Variants in WWOX observed in about 807,000 individuals in gnomAD.
The protein encoded by WWOX is WW domain containing oxidoreductase, also known as WW domain-containing oxidoreductase.
A neutral mutation model predicts 46.2 loss-of-function variants in WWOX; 69 were observed. The observed-to-expected ratio is 1.49, with a 90% CI of 1.23 to 1.82. The LOEUF (loss-of-function observed/expected upper bound fraction) is 1.82, where lower values mean the gene tolerates loss of function less well. WWOX is among the 40% of genes most tolerant of loss of function. The pLI is 0.00. For missense variants in WWOX, 919 were observed against 542.6 expected, an observed-to-expected ratio of 1.69 and a Z score of -6.89; for synonymous variants, 359 against 202.6, an observed-to-expected ratio of 1.77 and a Z score of -6.56.
rs147784492 is a variant in WWOX, at chr16:78,810,687, C to T, written c.1056+377935C>T. Among the ~76,000 whole-genome samples, 812 of 152,158 alleles carry T rather than the reference C, an allele frequency of 5.3e-3. 28 individuals carry two copies. The highest frequency in any genetic ancestry group is 0.047 in the Admixed American group (714 of 15,272). On this transcript the variant is annotated intron_variant, in intron 8 of 8. Coordinates refer to ENST00000566780, the MANE Select transcript of WWOX (RefSeq NM_016373.4). ...TAAGCCTGCCTAATGCTGATTGAAG[C>T]GGGCCATAGTATCAAGGGTGGAAGA...
intron 8 of WWOX, among the ~76,000 whole-genome samples, chr16:78,437,813 C>A (rs118068120): frequency 6.6e-6 from 1 of 152,128 alleles, no homozygotes; most frequent in African/African-American, 2.4e-5. Context: ...TCACATCATA[C>A]GTGCATTACA....
chr16:79,004,201 T>G (rs1311883467), intron 8 of WWOX: 3 of 152,120 alleles, frequency 2.0e-5, no homozygotes, highest in African/African-American at 7.2e-5. Flanking sequence ...CCCTGTTGAG[T>G]CCCTGTGCAC....
intron 8 of WWOX, chr16:78,552,212 A>G (rs1371752943): frequency 6.6e-6 from 1 of 152,164 alleles, no homozygotes; most frequent in Non-Finnish European, 1.5e-5. Flanking sequence ...TTTCCCCTCA[A>G]AAGATGATAC....
Position 78,344,063 on chromosome 16 carries a change from C to T in WWOX, c.517-42797C>T, listed in dbSNP as rs777981306. Among the ~76,000 whole-genome samples the T allele has an allele frequency of 2.3e-4, 27 of 118,944 alleles. 9 individuals carry two copies. The highest frequency in any genetic ancestry group is 1.3e-3 in the Admixed American group (16 of 12,062). 78.0% of individuals were successfully genotyped at this position (118,944 alleles called of 152,430 possible). A position where few individuals can be genotyped will look rare whatever the true frequency, so the allele number is the denominator to read the frequency against. On this transcript the variant is annotated intron_variant, in intron 5 of 8. Coordinates refer to ENST00000566780, the MANE Select transcript of WWOX (RefSeq NM_016373.4). ...TTTCTCCTCACCATCAAGAAATGTT[C>T]CAGAATGCCATTATTCTTCGTCACC...
chr16:78,696,365 A>G (rs937711247), intron 8 of WWOX, among the ~76,000 whole-genome samples: 16 of 152,188 alleles, frequency 1.1e-4, no homozygotes, highest in African/African-American at 3.6e-4. Flanking sequence ...TTCAGACTCT[A>G]TAGACAGTCC....
At chr16:78,816,924 C>G (rs770803335) in intron 8 of WWOX, among the ~76,000 whole-genome samples, 3 of 152,098 alleles carry the variant, frequency 2.0e-5, no homozygotes, top group Non-Finnish European at 2.9e-5. Flanking sequence ...CATTGCAAGT[C>G]CCAGAGTAAG....
intron 8 of WWOX, among the ~76,000 whole-genome samples, chr16:78,868,704 C>T (rs9926713): frequency 0.16 from 24,409 of 152,050 alleles, 2,080 homozygotes; most frequent in Admixed American, 0.23. Flanking sequence ...AGGAAGGGAA[C>T]GTTGGAACCA....
chr16:78,591,141 C>T (rs1448642590), intron 8 of WWOX, among the ~76,000 whole-genome samples: 1 of 152,136 alleles, frequency 6.6e-6, no homozygotes, highest in Non-Finnish European at 1.5e-5. Context: ...CCCTCAGTTT[C>T]ACCCCCCTTT....
intron 8 of WWOX, among the ~76,000 whole-genome samples, chr16:79,132,697 A>G (rs982856880): frequency 6.6e-6 from 1 of 152,168 alleles, no homozygotes; most frequent in Admixed American, 6.5e-5. Context: ...CTTAAAAAAA[A>G]CTTTGGAAAG....
chr16:78,509,002 C>T (rs1362300284), intron 8 of WWOX, among the ~76,000 whole-genome samples: 4 of 152,248 alleles, frequency 2.6e-5, no homozygotes, highest in African/African-American at 7.2e-5. Flanking sequence ...CCGTTAAAGG[C>T]GTGCATGTGT....
At chr16:79,058,125 CAAACAAAA>C (rs2048297780) in intron 8 of WWOX, among the ~76,000 whole-genome samples, 1 of 72,376 alleles carries the variant, frequency 1.4e-5, no homozygotes, top group African/African-American at 1.3e-4. Context: ...AAAAAACAAA[CAAACAAAA>C]AAAAAAAACT....
intron 8 of WWOX, among the ~76,000 whole-genome samples, chr16:78,922,331 C>A (rs950792445): frequency 1.3e-5 from 2 of 151,906 alleles, no homozygotes; most frequent in Middle Eastern, 3.4e-3. Context: ...GGTGCCCAAG[C>A]AAACAAAGAC....
intron 6 of WWOX, among the ~76,000 whole-genome samples, chr16:78,409,563 A>G (rs940182916): frequency 2.0e-5 from 3 of 152,166 alleles, no homozygotes; most frequent in Non-Finnish European, 4.4e-5. Flanking sequence ...GCGACTTAAA[A>G]CAGCAAACAT....
At chr16:78,858,637 C>G (rs1022528098) in intron 8 of WWOX, among the ~76,000 whole-genome samples, 2 of 151,862 alleles carry the variant, frequency 1.3e-5, no homozygotes, top group Non-Finnish European at 1.5e-5. Context: ...AATTTTCTTT[C>G]TTTTTTCTTT....
At chr16:78,385,262 A>C (rs922204485) in intron 5 of WWOX, among the ~76,000 whole-genome samples, 1 of 152,140 alleles carries the variant, frequency 6.6e-6, no homozygotes, top group Non-Finnish European at 1.5e-5. Context: ...TTTGGACATC[A>C]TTGCCATCCA....
intron 8 of WWOX, among the ~76,000 whole-genome samples, chr16:79,046,867 CTCT>C (rs2048075450): frequency 6.6e-6 from 1 of 152,196 alleles, no homozygotes. Context: ...TCCTTCTTTT[CTCT>C]TCTTCTCGTA....
At chr16:79,017,805 T>C (rs2161727) in intron 8 of WWOX, among the ~76,000 whole-genome samples, 1 of 152,170 alleles carries the variant, frequency 6.6e-6, no homozygotes, top group Admixed American at 6.5e-5. Flanking sequence ...GCATAACAAA[T>C]TACAGATTAT....
intron 8 of WWOX, chr16:79,206,690 TTTGGTGGAAG>T (rs2051523311): frequency 6.6e-6 from 1 of 152,172 alleles, no homozygotes; most frequent in Admixed American, 6.5e-5. Flanking sequence ...TTCCCATCAT[TTTGGTGGAAG>T]TTGGTGTGTT....
intron 5 of WWOX, among the ~76,000 whole-genome samples, chr16:78,229,107 C>A (rs2037162657): frequency 6.6e-6 from 1 of 152,146 alleles, no homozygotes; most frequent in Non-Finnish European, 1.5e-5. Context: ...CTTCTTCCAG[C>A]ATGTGATCAT....
Sources: allele counts gnomAD v4.1 joint callset (sites outside exome capture counted in the v4.1 genomes callset), GRCh38; gene constraint gnomAD v4.1.1; transcripts MANE v1.5; gene names NCBI Gene and HGNC (gene_info 2026-07-23, HGNC 2026-07-21).